The following RAPGEF6 variants were observed in gnomAD, a reference collection of about 807,000 sequenced individuals.
RAPGEF6 encodes the protein Rap guanine nucleotide exchange factor 6, also known as PDZ domain containing guanine nucleotide exchange factor (GEF) 2.
A neutral mutation model predicts 171.4 loss-of-function variants in RAPGEF6; 56 were observed. That is an observed-to-expected ratio of 0.33 (90% confidence interval 0.26 to 0.41). The LOEUF (loss-of-function observed/expected upper bound fraction) is 0.41. Ranked by LOEUF, RAPGEF6 falls within the 10% of genes least tolerant of loss-of-function variation. RAPGEF6 has a pLI of 1.00. For missense variants in RAPGEF6, 1,674 were observed against 1,921.4 expected (o/e 0.87, Z 2.41); for synonymous variants, 692 against 650.1 (o/e 1.06, Z -0.98).
chr5:131,563,717 C>T (rs961975029), intron 4 of RAPGEF6, among the ~76,000 whole-genome samples: 3 of 152,104 alleles, frequency 2.0e-5, no homozygotes, highest in African/African-American at 7.2e-5. Flanking sequence ...TTTCACTATG[C>T]TGGTCTTGAA....
chr5:131,554,177 C>A (rs1359988544), intron 5 of RAPGEF6, among the ~76,000 whole-genome samples: 1 of 152,034 alleles, frequency 6.6e-6, no homozygotes, highest in African/African-American at 2.4e-5. Context: ...AAAAATAATT[C>A]TCCTCCTAAA....
chr5:131,605,740 A>G (rs1764517718), intron 1 of RAPGEF6, among the ~76,000 whole-genome samples: 1 of 152,146 alleles, frequency 6.6e-6, no homozygotes, highest in Non-Finnish European at 1.5e-5. Flanking sequence ...TAAGAAAAGC[A>G]GCAAGCTAGG....
chr5:131,585,288 CT>C (rs896375092), intron 4 of RAPGEF6, among the ~76,000 whole-genome samples: 2 of 79,586 alleles, frequency 2.5e-5, no homozygotes, highest in African/African-American at 4.8e-5. Flanking sequence ...AAAAAAAAAA[CT>C]ATACATACAT....
In RAPGEF6 at chr5:131,568,341, T is replaced by C. The variant is rs1390539961; in HGVS notation, c.282-6294A>G. On this transcript the variant is annotated intron_variant, in intron 4 of 27. Transcript: ENST00000509018. The stretch of plus-strand genomic sequence containing the variant: ...TTTTAAATGTTATTTTTGTTATTTT[T>C]TTTTTTTAGAGATAGGGTCTCATTC... Among the ~76,000 whole-genome samples the C allele has an allele frequency of 2.0e-5, 3 of 152,274 alleles. No homozygotes were observed. The East Asian group carries it at 5.8e-4, about 29-fold the overall frequency.
chr5:131,459,098 C>A (rs1172491750), intron 19 of RAPGEF6, among the ~76,000 whole-genome samples: 1 of 152,152 alleles, frequency 6.6e-6, no homozygotes, highest in African/African-American at 2.4e-5. Context: ...ACCTATTTTA[C>A]CACTTCAGCA....
chr5:131,616,291 T>C (rs1029854809), intron 1 of RAPGEF6, among the ~76,000 whole-genome samples: 8 of 152,220 alleles, frequency 5.3e-5, no homozygotes, highest in African/African-American at 1.9e-4. Flanking sequence ...ACAGCATTCA[T>C]TGCAGGTATA....
At chr5:131,628,572 TA>T (rs1175153493) in intron 1 of RAPGEF6, among the ~76,000 whole-genome samples, 4 of 152,278 alleles carry the variant, frequency 2.6e-5, no homozygotes, top group African/African-American at 9.6e-5. Flanking sequence ...GTGGCTACAC[TA>T]AAAATCAGAT....
At chr5:131,514,102 A>G (rs1343628486) in intron 7 of RAPGEF6, among the ~76,000 whole-genome samples, 1 of 152,202 alleles carries the variant, frequency 6.6e-6, no homozygotes, top group Non-Finnish European at 1.5e-5. Flanking sequence ...AGTAGTATAA[A>G]AAGAATAAAA....
At chr5:131,450,249 T>C (rs1752977449) in intron 21 of RAPGEF6, among the ~76,000 whole-genome samples, 2 of 152,140 alleles carry the variant, frequency 1.3e-5, no homozygotes, top group African/African-American at 4.8e-5. Context: ...TCAAAAAAGC[T>C]CCAAAATACT....
At chr5:131,617,239 G>A (rs1208280116) in intron 1 of RAPGEF6, among the ~76,000 whole-genome samples, 6 of 152,096 alleles carry the variant, frequency 3.9e-5, no homozygotes, top group Admixed American at 3.3e-4. Context: ...GAGCCCAGAA[G>A]TAGGAGGCCA....
In RAPGEF6 at chr5:131,477,624, T is replaced by C. The variant is rs116823309; in HGVS notation, c.2081+1889A>G. Among the ~76,000 whole-genome samples, 765 of 152,228 alleles carry C rather than the reference T, an allele frequency of 5.0e-3. 3 individuals are homozygous for C. The highest frequency in any genetic ancestry group is 0.017 in the African/African-American group (701 of 41,556). ...TTCCCACACCCTCACCAAAGGATAA[T>C]GTGGAGATGAGATACTGATTTAGCT... On this transcript the variant is annotated intron_variant, in intron 16 of 27. Transcript: ENST00000509018.
chr5:131,464,733 T>A (rs1285719965), intron 17 of RAPGEF6, among the ~76,000 whole-genome samples: 1 of 152,208 alleles, frequency 6.6e-6, no homozygotes, highest in Non-Finnish European at 1.5e-5. Context: ...CTGTCAAAAG[T>A]AAGTAAGCCT....
At chr5:131,491,976 T>TA (rs1297068767) in intron 14 of RAPGEF6, among the ~76,000 whole-genome samples, 1 of 152,180 alleles carries the variant, frequency 6.6e-6, no homozygotes, top group Non-Finnish European at 1.5e-5. Flanking sequence ...TTACATTTTT[T>TA]ATGTAACAAA....
At position 131,446,480 on chromosome 5, in the gene RAPGEF6, CA is replaced by C; in HGVS notation, c.3421+2del. 1.9e-6 allele frequency: 3 copies of C among 1,611,846 alleles called. No individual in the cohort carries two copies. Among genetic ancestry groups the C allele is most frequent in the South Asian group, 2.2e-5 (2 of 90,728 alleles). The stretch of plus-strand genomic sequence containing the variant: ...CGTCACATAAATGAAAACTTGTACT[CA>C]CAGGTACCATATGCAGGCTCCCACT... On this transcript the variant is annotated splice_donor_variant, in intron 22 of 27. Coordinates refer to ENST00000509018, the MANE Select transcript of RAPGEF6 (RefSeq NM_016340.6). LOFTEE classifies it high-confidence loss of function.
At chr5:131,428,265 G>A (rs1751489659) in intron 27 of RAPGEF6, among the ~76,000 whole-genome samples, 1 of 151,626 alleles carries the variant, frequency 6.6e-6, no homozygotes, top group Non-Finnish European at 1.5e-5. Context: ...ATTTAACAAT[G>A]AGCCAGGCAT....
At chr5:131,513,814 C>A (rs1350837046) in intron 7 of RAPGEF6, among the ~76,000 whole-genome samples, 1 of 152,134 alleles carries the variant, frequency 6.6e-6, no homozygotes, top group Non-Finnish European at 1.5e-5. Context: ...TTGAGGCCAG[C>A]CTGGGCAACA....
intron 17 of RAPGEF6, among the ~76,000 whole-genome samples, chr5:131,471,583 T>A (rs1754740998): frequency 6.6e-6 from 1 of 152,192 alleles, no homozygotes; most frequent in South Asian, 2.1e-4. Flanking sequence ...CCCAATTATA[T>A]GTTTCAGTGC....
chr5:131,614,329 C>T lies in RAPGEF6; in HGVS notation c.70-9636G>A, dbSNP rs1547987. ...AAAGAAAGAAAAAGAAAAAGACTACCGGAGCCGCGGTAATTTATAAAGAAA... is the reference window on the plus strand; with the variant it reads ...AAAGAAAGAAAAAGAAAAAGACTACTGGAGCCGCGGTAATTTATAAAGAAA... On this transcript the variant is annotated intron_variant, in intron 1 of 27. Coordinates refer to ENST00000509018, the MANE Select transcript of RAPGEF6 (RefSeq NM_016340.6). Among the ~76,000 whole-genome samples, 412 of 148,982 alleles carry T rather than the reference C, an allele frequency of 2.8e-3. 1 individual carries two copies. The highest frequency in any genetic ancestry group is 8.4e-3 in the African/African-American group (340 of 40,372).
At chr5:131,498,747 T>C (rs1756812134) in intron 11 of RAPGEF6, 140 bp from the exon 12 acceptor site, 1 of 741,268 alleles carries the variant, frequency 1.3e-6, no homozygotes, top group Admixed American at 3.1e-5. Context: ...TCCTTAGCGC[T>C]GGGAGAATTG....
Sources: allele counts gnomAD v4.1 joint callset (sites outside exome capture counted in the v4.1 genomes callset), GRCh38; gene constraint gnomAD v4.1.1; transcripts MANE v1.5; gene names NCBI Gene and HGNC (gene_info 2026-07-23, HGNC 2026-07-21).